Variants in KDM2A observed in about 807,000 individuals in gnomAD.
KDM2A encodes the protein lysine demethylase 2A.
KDM2A carries 3 observed loss-of-function variants against 137.3 expected under a neutral mutation model. The ratio of observed to expected loss-of-function variants is 0.02; its 90% CI spans 0.01 to 0.06. KDM2A has a LOEUF of 0.06. KDM2A is among the 10% of genes least tolerant of loss of function. KDM2A has a pLI of 1.00. For synonymous variants in KDM2A, 512 were observed against 541.5 expected, an observed-to-expected ratio of 0.95 and a Z score of 0.76; for missense variants, 738 against 1,510.6, an observed-to-expected ratio of 0.49 and a Z score of 8.48.
chr11:67,171,499 A>G (rs1856882291), intron 2 of KDM2A, among the ~76,000 whole-genome samples: 1 of 152,148 alleles, frequency 6.6e-6, no homozygotes, highest in African/African-American at 2.4e-5. Context: ...GAGAGGTTAA[A>G]TGATTTATTA....
chr11:67,129,255 G>A (rs1225238934), intron 2 of KDM2A, among the ~76,000 whole-genome samples: 1 of 152,178 alleles, frequency 6.6e-6, no homozygotes, highest in African/African-American at 2.4e-5. Flanking sequence ...TTGGTATTTG[G>A]ACCATTTAGA....
intron 2 of KDM2A, chr11:67,132,180 C>T (rs916422685): frequency 1.3e-5 from 2 of 152,308 alleles, no homozygotes; most frequent in Non-Finnish European, 1.5e-5. Flanking sequence ...GATAGATGAG[C>T]AGACTGAAGT....
chr11:67,231,349 A>G (rs939437429), intron 11 of KDM2A, among the ~76,000 whole-genome samples: 1 of 152,142 alleles, frequency 6.6e-6, no homozygotes, highest in Non-Finnish European at 1.5e-5. Flanking sequence ...CCAATTGACT[A>G]TTACCTAGGT....
At chr11:67,159,770 C>T (rs1016814681) in intron 2 of KDM2A, among the ~76,000 whole-genome samples, 1 of 152,090 alleles carries the variant, frequency 6.6e-6, no homozygotes, top group Non-Finnish European at 1.5e-5. Flanking sequence ...TTACCTTTTT[C>T]CCTCCAGAGT....
At chr11:67,219,447 C>A in intron 10 of KDM2A, 44 bp downstream of exon 10, 1 of 1,044,620 alleles carries the variant, frequency 9.6e-7, no homozygotes, top group East Asian at 2.7e-5. Context: ...AGGTTTACTC[C>A]AGTTATGATA....
At chr11:67,121,545 A>G (rs1855597841) in intron 2 of KDM2A, among the ~76,000 whole-genome samples, 187 bp downstream of exon 2, 2 of 152,196 alleles carry the variant, frequency 1.3e-5, no homozygotes, top group Non-Finnish European at 2.9e-5. Context: ...TATATTTTAT[A>G]TATTTATCTT....
At chr11:67,183,302 C>G (rs940221797) in intron 5 of KDM2A, among the ~76,000 whole-genome samples, 2 of 152,234 alleles carry the variant, frequency 1.3e-5, no homozygotes, top group East Asian at 1.9e-4. Context: ...AATTTGACCT[C>G]TTTTATTAAA....
At position 67,245,682 on chromosome 11, in the gene KDM2A, A is replaced by G; in HGVS notation, c.1833+224A>G. ...GCTTTACCTAATTTTCAAACAAGAGATTAGCATTTGAAGGGCAAATCATTG... is the reference window on the plus strand; with the variant it reads ...GCTTTACCTAATTTTCAAACAAGAGGTTAGCATTTGAAGGGCAAATCATTG... On this transcript the variant is annotated intron_variant, in intron 14 of 20. Transcript: ENST00000529006. The surrounding 1 kb of genome is among the most constrained non-coding windows in gnomAD (Gnocchi z 4.1). 1 of 620,896 alleles carries G rather than the reference A, an allele frequency of 1.6e-6. No homozygotes were observed. Among genetic ancestry groups the G allele is most frequent in the Non-Finnish European group, 2.8e-6 (1 of 362,704 alleles). 38.5% of individuals were successfully genotyped at this position (620,896 alleles called of 1,614,324 possible).
In KDM2A at chr11:67,253,590, A is replaced by G; in HGVS notation, c.3070A>G (p.Thr1024Ala). The G allele has an allele frequency of 6.2e-7, 1 of 1,613,338 alleles. No homozygotes were observed. The highest frequency in any genetic ancestry group is 8.5e-7 in the Non-Finnish European group (1 of 1,179,724). The change falls in exon 19 of 21, where the codon ACT becomes GCT. Residue 1024 changes from threonine (T) to alanine (A), a missense_variant. Physicochemically the swap from Thr to Ala is moderately conservative, Grantham distance 58 (BLOSUM62 0). This residue lies in a region of KDM2A where 166 missense variants were observed against 324.0 expected (regional missense o/e 0.51). Coordinates refer to ENST00000529006, the MANE Select transcript of KDM2A (RefSeq NM_012308.3). Reference sequence around the variant, plus strand: ...GGACCCTCAAATTCGGGACTTGCTTACTCCACCGGCTGATAAACCAGGTAT... The same window carrying G: ...GGACCCTCAAATTCGGGACTTGCTTGCTCCACCGGCTGATAAACCAGGTAT... ...IKDPQIRDLL[T>A]PPADKPGQDN...
Position 67,206,574 on chromosome 11 carries a change from T to TA in KDM2A, c.308-932dup, listed in dbSNP as rs200451328. Among the ~76,000 whole-genome samples the TA allele has an allele frequency of 7.9e-4, 120 of 152,124 alleles. 2 individuals carry two copies. The highest frequency in any genetic ancestry group is 2.8e-3 in the African/African-American group (118 of 41,502). ...CAACATGGTGAAACCCCGTCTCTAC[T>TA]AAAATACAAAAAATTAGGTGGGGTA... On this transcript the variant is annotated intron_variant, in intron 5 of 20. Transcript: ENST00000529006.
rs746075649 is a variant in KDM2A at position 67,231,633 on chromosome 11, C to T, written c.1152C>T (p.Arg384=). 4.3e-6 allele frequency: 7 copies of T among 1,612,964 alleles called. No homozygotes were observed. The highest frequency in any genetic ancestry group is 5.1e-6 in the Non-Finnish European group (6 of 1,179,442). Residue 384 remains arginine (R), a synonymous_variant, in exon 12 of 21, where the codon CGC becomes CGT. Coordinates refer to ENST00000529006, the MANE Select transcript of KDM2A (RefSeq NM_012308.3). ...DEEAVDREPR[R]LSSRRSVLTS... Reference sequence around the variant, plus strand: ...AAGCAGTGGATCGAGAACCCCGACGCTTGAGCAGCAGGCGTTCTGTCCTCA... The same window carrying T: ...AAGCAGTGGATCGAGAACCCCGACGTTTGAGCAGCAGGCGTTCTGTCCTCA...
In KDM2A at chr11:67,254,556, A is replaced by G. The variant is rs1859541453; in HGVS notation, c.3307+138A>G. 2 of 760,880 alleles carry G rather than the reference A, an allele frequency of 2.6e-6. No homozygotes were observed. Among genetic ancestry groups the G allele is most frequent in the South Asian group, 1.6e-5 (1 of 61,266 alleles). 47.1% of individuals were successfully genotyped at this position (760,880 alleles called of 1,614,324 possible). ...CATTTCTTCACATCTGGACAAGGAC[A>G]TGGATTTCTATCCCTTTTTTAACTG... On this transcript the variant is annotated intron_variant, in intron 20 of 20. Transcript: ENST00000529006. This position sits in a 1 kb window ranked among gnomAD's most constrained non-coding sequence, Gnocchi z 4.7.
intron 13 of KDM2A, among the ~76,000 whole-genome samples, chr11:67,244,669 G>A (rs1859150768): frequency 6.6e-6 from 1 of 152,172 alleles, no homozygotes; most frequent in Non-Finnish European, 1.5e-5. Context: ...CAATTTCTCA[G>A]TTCTACCATG....
intron 18 of KDM2A, among the ~76,000 whole-genome samples, chr11:67,253,085 G>A (rs545477637): frequency 5.3e-5 from 8 of 152,306 alleles, no homozygotes; most frequent in Admixed American, 3.3e-4. Context: ...CAAAGAGAAC[G>A]GAATCAGTGT....
At chr11:67,129,825 C>T (rs1055127626) in intron 2 of KDM2A, among the ~76,000 whole-genome samples, 2 of 150,972 alleles carry the variant, frequency 1.3e-5, no homozygotes, top group Non-Finnish European at 2.9e-5. Flanking sequence ...ACAGGAGAAT[C>T]GCTTCAACTC....
chr11:67,224,649 G>A (rs1858477931), intron 10 of KDM2A, among the ~76,000 whole-genome samples: 1 of 150,820 alleles, frequency 6.6e-6, no homozygotes, highest in African/African-American at 2.4e-5. Flanking sequence ...TATATTTTTA[G>A]TAGAGATGGG....
chr11:67,252,626 A>G, intron 17 of KDM2A, 68 bp from the exon 18 acceptor site: 1 of 1,547,938 alleles, frequency 6.5e-7, no homozygotes, highest in South Asian at 1.1e-5. Flanking sequence ...CAGAAGCCAT[A>G]AGCAGCCTGT....
chr11:67,224,828 ATTTTTTTTTTT>A (rs764581976), intron 10 of KDM2A, among the ~76,000 whole-genome samples: 160 of 66,288 alleles, frequency 2.4e-3, no homozygotes, highest in African/African-American at 0.012. Context: ...CAGCTGCAGC[ATTTTTTTTTTT>A]TTTTTTTTTT....
At chr11:67,170,415 T>TG (rs1856857727) in intron 2 of KDM2A, among the ~76,000 whole-genome samples, 3 of 137,626 alleles carry the variant, frequency 2.2e-5, no homozygotes, top group Non-Finnish European at 4.7e-5. Flanking sequence ...TTTCTTTTTT[T>TG]TTTTTTTTTT....
Sources: gnomAD v4.1 joint callset for allele counts (sites outside exome capture counted in the v4.1 genomes callset) on GRCh38, gnomAD v4.1.1 for gene constraint, gnomAD v4.1.1 regional missense constraint, Gnocchi (gnomAD v3.1) non-coding constraint, MANE v1.5 for transcripts, NCBI Gene and HGNC (gene_info 2026-07-23, HGNC 2026-07-21) for gene names.